TNFRSF10B: variants seen among roughly 807,000 people sequenced by gnomAD.
The protein encoded by TNFRSF10B is TNF receptor superfamily member 10b.
In TNFRSF10B, 35 loss-of-function variants were observed where a neutral mutation model predicts 41.4. The observed-to-expected ratio is 0.85, with a 90% confidence interval of 0.65 to 1.12. The LOEUF (loss-of-function observed/expected upper bound fraction) is 1.12. Ranked by LOEUF, TNFRSF10B falls within the 50% of genes most tolerant of loss-of-function variation. The pLI is 0.00. For missense variants in TNFRSF10B, 584 were observed against 552.7 expected, an observed-to-expected ratio of 1.06 and a Z score of -0.57; for synonymous variants, 230 against 215.5, an observed-to-expected ratio of 1.07 and a Z score of -0.59.
At chr8:23,052,030 C>G (rs182526564) in intron 1 of TNFRSF10B, among the ~76,000 whole-genome samples, 244 of 152,216 alleles carry the variant, frequency 1.6e-3, no homozygotes, top group Non-Finnish European at 3.2e-3. Flanking sequence ...TTTTCACTGT[C>G]TCGGTCATAA....
At chr8:23,054,417 ATT>A (rs1812606339) in intron 1 of TNFRSF10B, among the ~76,000 whole-genome samples, 1 of 152,188 alleles carries the variant, frequency 6.6e-6, no homozygotes, top group Non-Finnish European at 1.5e-5. Context: ...TTTGGAGCAT[ATT>A]TGTTTCTCTC....
chr8:23,048,660 C>G (rs1812434666), intron 1 of TNFRSF10B, among the ~76,000 whole-genome samples: 1 of 152,130 alleles, frequency 6.6e-6, no homozygotes, highest in Admixed American at 6.5e-5. Context: ...TTCAAATGTT[C>G]TCACCATAAA....
chr8:23,027,087 AG>A (rs1178716002), intron 7 of TNFRSF10B, 45 bp downstream of exon 7: 1 of 1,612,558 alleles, frequency 6.2e-7, no homozygotes, highest in East Asian at 2.2e-5. Flanking sequence ...ACGAAATCCC[AG>A]GTGAGCAGCA....
At chr8:23,028,199 CGAG>C (rs1360336879) in intron 5 of TNFRSF10B, 129 bp downstream of exon 5, 7 of 1,267,302 alleles carry the variant, frequency 5.5e-6, no homozygotes, top group East Asian at 2.4e-5. Flanking sequence ...GGGGTGACCA[CGAG>C]GAGGAGGATA....
Position 23,043,161 on chromosome 8 carries a change from G to A in TNFRSF10B, c.227C>T (p.Pro76Leu), listed in dbSNP as rs1303410809. Residue 76 changes from proline to leucine, a missense_variant, in exon 2 of 9, where the codon CCC becomes CTC. By Grantham distance (98) the Pro-to-Leu change is moderately conservative (BLOSUM62 -3). Transcript: ENST00000276431. Reference sequence around the variant, plus strand: ...ACCAGGTGGACACAATCCCTCTGAGGGGCTGGACCTCTTTTGTTGTGGGGC... The same window carrying A: ...ACCAGGTGGACACAATCCCTCTGAGAGGCTGGACCTCTTTTGTTGTGGGGC... ...RAAPQQKRSS[P>L]SEGLCPPGHH... 13 of 1,614,004 alleles carry A rather than the reference G, an allele frequency of 8.1e-6. No individual in the cohort carries two copies. Among genetic ancestry groups the A allele is most frequent in the East Asian group, 2.2e-5 (1 of 44,886 alleles).
In TNFRSF10B at chr8:23,043,330, C is replaced by T. The variant is rs1812263264; in HGVS notation, c.145-87G>A. On this transcript the variant is annotated intron_variant, in intron 1 of 8. Coordinates refer to ENST00000276431, the MANE Select transcript of TNFRSF10B (RefSeq NM_003842.5). Reference sequence around the variant, plus strand: ...ACTCACATTCTCTTGAGCCCAGGCACCCAAGCTAAACAGAACCCTCATCTT... The same window carrying T: ...ACTCACATTCTCTTGAGCCCAGGCATCCAAGCTAAACAGAACCCTCATCTT... The T allele has an allele frequency of 1.1e-5, 11 of 1,035,020 alleles. No individual in the cohort carries two copies. In the South Asian group the frequency reaches 1.1e-4, roughly 10 times the overall value. 64.1% of individuals were successfully genotyped at this position (1,035,020 alleles called of 1,614,324 possible).
chr8:23,038,187 T>C (rs1404989336), intron 2 of TNFRSF10B, among the ~76,000 whole-genome samples: 1 of 152,214 alleles, frequency 6.6e-6, no homozygotes, highest in Non-Finnish European at 1.5e-5. Flanking sequence ...GGAGATTCCT[T>C]AGGGCATCTC....
At position 23,021,307 on chromosome 8, in the gene TNFRSF10B, G is replaced by A. The variant is rs954376255; in HGVS notation, c.*1364C>T. 15 of 453,966 alleles carry A rather than the reference G, an allele frequency of 3.3e-5. No individual in the cohort carries two copies. Among genetic ancestry groups the A allele is most frequent in the East Asian group, 2.1e-4 (3 of 14,406 alleles). 28.1% of individuals were successfully genotyped at this position (453,966 alleles called of 1,614,324 possible). On this transcript the variant is annotated 3_prime_UTR_variant, in exon 9 of 9. Coordinates refer to ENST00000276431, the MANE Select transcript of TNFRSF10B (RefSeq NM_003842.5). ...GAGATGAGTCAGATGCTTACAGAGC[G>A]GCCAAGGTCCTCAAGTAGGCAATCT...
chr8:23,036,431 G>A (rs1187904771), intron 2 of TNFRSF10B, among the ~76,000 whole-genome samples: 2 of 152,140 alleles, frequency 1.3e-5, no homozygotes, highest in African/African-American at 4.8e-5. Flanking sequence ...AATTCCCTAT[G>A]GTCAGTTGCC....
intron 1 of TNFRSF10B, 28 bp from the exon 2 acceptor site, chr8:23,043,271 G>C (rs766151202): frequency 1.9e-6 from 3 of 1,599,814 alleles, no homozygotes; most frequent in African/African-American, 1.3e-5. Flanking sequence ...GGATGGGCAT[G>C]AGTGGCTTCC....
rs1271897909 is a variant in TNFRSF10B, at chr8:23,068,873, C to T, written c.22G>A (p.Ala8Thr). The change falls in exon 1 of 9, where the codon GCC (alanine) becomes ACC (threonine). Residue 8 changes from alanine to threonine, a missense_variant. Coordinates refer to ENST00000276431, the MANE Select transcript of TNFRSF10B (RefSeq NM_003842.5). ...TTCCGGGCCCCCGAAGCGGCCGGGG[C>T]GTTCTGTCCCCGTTGTTCCATGGCG... MEQRGQN[A>T]PAASGARKRH... The T allele has an allele frequency of 1.2e-6, 2 of 1,613,382 alleles. No homozygotes were observed. The highest frequency in any genetic ancestry group is 1.3e-5 in the African/African-American group (1 of 74,934).
At chr8:23,029,553 G>A in intron 4 of TNFRSF10B, 57 bp downstream of exon 4, 1 of 1,519,350 alleles carries the variant, frequency 6.6e-7, no homozygotes, top group Non-Finnish European at 9.0e-7. Context: ...GGTACAAGGA[G>A]ACTTGGGTCT....
At chr8:23,031,524 A>G (rs1241842346) in intron 2 of TNFRSF10B, among the ~76,000 whole-genome samples, 1 of 151,850 alleles carries the variant, frequency 6.6e-6, no homozygotes, top group Non-Finnish European at 1.5e-5. Flanking sequence ...AATAGCTGGG[A>G]CTACAGGTGC....
chr8:23,042,826 T>C (rs961536063), intron 2 of TNFRSF10B: 13 of 293,532 alleles, frequency 4.4e-5, no homozygotes, highest in Non-Finnish European at 5.2e-5. Context: ...TCTTCCTGGC[T>C]CTCTGAACCT....
chr8:23,025,914 A>C (rs1397415420), intron 7 of TNFRSF10B, among the ~76,000 whole-genome samples: 1 of 152,198 alleles, frequency 6.6e-6, no homozygotes, highest in African/African-American at 2.4e-5. Flanking sequence ...CGTCTCTACA[A>C]AAAATACAAA....
intron 7 of TNFRSF10B, among the ~76,000 whole-genome samples, chr8:23,025,045 G>A (rs1811662178): frequency 6.6e-6 from 1 of 152,184 alleles, no homozygotes; most frequent in Admixed American, 6.5e-5. Context: ...GAGCTACTCA[G>A]AAGCCGGTAA....
In TNFRSF10B at chr8:23,040,326, CA is replaced by C. The variant is rs1563314018; in HGVS notation, c.250+2811del. Among the ~76,000 whole-genome samples the C allele has an allele frequency of 5.6e-5, 3 of 53,764 alleles. 1 individual carries two copies. In the South Asian group the frequency reaches 1.6e-3, roughly 29 times the overall value. The allele number at this position is 53,764 out of a possible 152,430, so 35.3% of individuals were successfully genotyped here. A position where few individuals can be genotyped will look rare whatever the true frequency, so the allele number is the denominator to read the frequency against. The stretch of plus-strand genomic sequence containing the variant: ...AATATATATTTAATAAATATATATA[CA>C]AAATATATATTTATTAAATATATAC... On this transcript the variant is annotated intron_variant, in intron 2 of 8. Coordinates refer to ENST00000276431, the MANE Select transcript of TNFRSF10B (RefSeq NM_003842.5).
rs1394972005 is a variant in TNFRSF10B at position 23,020,143 on chromosome 8, A to G, written c.*2528T>C. On this transcript the variant is annotated 3_prime_UTR_variant, in exon 9 of 9. Transcript: ENST00000276431. ...CAAAAACCACACCTCTTTTTATATA[A>G]GGTTTCATATTTAATTTGGTCATGG... The G allele has an allele frequency of 7.7e-6, 3 of 389,678 alleles. No individual in the cohort carries two copies. The highest frequency in any genetic ancestry group is 3.0e-5 in the Admixed American group (1 of 32,840). The allele number at this position is 389,678 out of a possible 1,614,324, so 24.1% of individuals were successfully genotyped here.
intron 7 of TNFRSF10B, among the ~76,000 whole-genome samples, chr8:23,024,780 G>A (rs59296513): frequency 0.27 from 40,968 of 151,850 alleles, 6,196 homozygotes; most frequent in East Asian, 0.4. Context: ...TGATCCATCC[G>A]CCTCGGCCTC....
Sources: gnomAD v4.1 joint callset for allele counts (sites outside exome capture counted in the v4.1 genomes callset) on GRCh38, gnomAD v4.1.1 for gene constraint, MANE v1.5 for transcripts, NCBI Gene and HGNC (gene_info 2026-07-23, HGNC 2026-07-21) for gene names.